UGCG: variants seen among roughly 807,000 people sequenced by gnomAD.
UGCG encodes the protein ceramide glucosyltransferase.
In UGCG, 10 loss-of-function variants were observed where a neutral mutation model predicts 49.5. The observed-to-expected ratio is 0.20, with a 90% CI of 0.12 to 0.34. UGCG has a LOEUF of 0.34. UGCG is among the 10% of genes least tolerant of loss of function. The probability of loss-of-function intolerance (pLI) is 1.00; values close to 1 mark genes in which losing one functional copy is unlikely to be tolerated. For synonymous variants in UGCG, 182 were observed against 158.2 expected (o/e 1.15, Z -1.13); for missense variants, 312 against 483.7 (o/e 0.65, Z 3.33).
intron 3 of UGCG, among the ~76,000 whole-genome samples, chr9:111,923,777 C>T (rs529233264): frequency 2.3e-4 from 35 of 152,200 alleles, no homozygotes; most frequent in African/African-American, 7.5e-4. Context: ...GGATCACAGG[C>T]GTGCATCACC....
At chr9:111,902,709 G>T (rs1837799877) in intron 1 of UGCG, among the ~76,000 whole-genome samples, 1 of 152,092 alleles carries the variant, frequency 6.6e-6, no homozygotes, top group Non-Finnish European at 1.5e-5. Context: ...ACATTCTGGG[G>T]TTGTTAAGCA....
intron 2 of UGCG, among the ~76,000 whole-genome samples, chr9:111,919,466 G>A (rs1367694491): frequency 1.3e-5 from 2 of 151,642 alleles, no homozygotes; most frequent in Non-Finnish European, 2.9e-5. Context: ...CTGGGTGACA[G>A]TGAAAGACCC....
chr9:111,904,970 T>A (rs1837853051), intron 1 of UGCG, among the ~76,000 whole-genome samples: 1 of 151,844 alleles, frequency 6.6e-6, no homozygotes, highest in African/African-American at 2.4e-5. Context: ...CACAGAAAAA[T>A]TTTAAAAAAT....
intron 1 of UGCG, among the ~76,000 whole-genome samples, chr9:111,912,591 A>AT (rs1483227662): frequency 2.0e-5 from 3 of 152,070 alleles, no homozygotes; most frequent in African/African-American, 4.8e-5. Context: ...AAAATAAAAA[A>AT]AAAAAAATTC....
intron 1 of UGCG, among the ~76,000 whole-genome samples, chr9:111,909,055 A>C (rs1837945115): frequency 6.6e-6 from 1 of 152,188 alleles, no homozygotes; most frequent in African/African-American, 2.4e-5. Flanking sequence ...AGTAGCTGGA[A>C]TTATAGGCGT....
intron 1 of UGCG, among the ~76,000 whole-genome samples, chr9:111,908,243 C>G (rs1343872275): frequency 1.3e-5 from 2 of 152,158 alleles, no homozygotes; most frequent in African/African-American, 4.8e-5. Flanking sequence ...GTAAAACTAT[C>G]CTGTAACAAG....
chr9:111,926,615 A>G lies in UGCG; in HGVS notation c.558+119A>G, dbSNP rs1838316150. 7.6e-6 allele frequency: 5 copies of G among 654,298 alleles called. No individual in the cohort carries two copies. In the Admixed American group the frequency reaches 1.1e-4, roughly 14 times the overall value. 40.5% of individuals were successfully genotyped at this position (654,298 alleles called of 1,614,324 possible). On this transcript the variant is annotated intron_variant, in intron 5 of 8. Coordinates refer to ENST00000374279, the MANE Select transcript of UGCG (RefSeq NM_003358.3). ...TTAACTGTATTAAGTCCATTTGGGAACCTGCTGTGTTCTAGAAGCCCTGAG... is the reference window on the plus strand; with the variant it reads ...TTAACTGTATTAAGTCCATTTGGGAGCCTGCTGTGTTCTAGAAGCCCTGAG...
Position 111,924,889 on chromosome 9 carries a change from TTTC to T in UGCG, c.445+14_445+16del, listed in dbSNP as rs1838290649. The T allele has an allele frequency of 1.4e-6, 2 of 1,411,996 alleles. No homozygotes were observed. The highest frequency in any genetic ancestry group is 2.7e-5 in the Admixed American group (1 of 36,894). 87.5% of individuals were successfully genotyped at this position (1,411,996 alleles called of 1,614,324 possible). A position where few individuals can be genotyped will look rare whatever the true frequency, so the allele number is the denominator to read the frequency against. On this transcript the variant is annotated intron_variant, in intron 4 of 8. Coordinates refer to ENST00000374279, the MANE Select transcript of UGCG (RefSeq NM_003358.3). ...ATAGTGGAATAAGAGGTGAGGTTTT[TTTC>T]TTATTTATTTTATAAAACTATTAAT...
At chr9:111,918,006 CTA>C (rs1247662342) in intron 2 of UGCG, among the ~76,000 whole-genome samples, 1 of 151,954 alleles carries the variant, frequency 6.6e-6, no homozygotes, top group Non-Finnish European at 1.5e-5. Context: ...CCTGTCATAA[CTA>C]TGATTTTTTT....
chr9:111,932,389 G>A (rs771567737), intron 8 of UGCG, 30 bp downstream of exon 8: 1 of 1,585,442 alleles, frequency 6.3e-7, no homozygotes, highest in Admixed American at 1.7e-5. Flanking sequence ...AAGGTTGGCA[G>A]TCCCTTGGTG....
At chr9:111,905,551 G>C (rs572268716) in intron 1 of UGCG, among the ~76,000 whole-genome samples, 1 of 152,128 alleles carries the variant, frequency 6.6e-6, no homozygotes, top group East Asian at 1.9e-4. Context: ...TGCTTCCCAG[G>C]TTCAAGCAGT....
At chr9:111,915,923 G>T in intron 2 of UGCG, 1 of 748,824 alleles carries the variant, frequency 1.3e-6, no homozygotes. Flanking sequence ...GCCAATTTTG[G>T]AGTATTGGAA....
rs146569998 is a variant in UGCG, at chr9:111,916,641, T to C, written c.240+1895T>C. Among the ~76,000 whole-genome samples the C allele has an allele frequency of 4.3e-3, 647 of 152,016 alleles. 8 individuals carry two copies. The highest frequency in any genetic ancestry group is 0.037 in the East Asian group (191 of 5,122). On this transcript the variant is annotated intron_variant, in intron 2 of 8. Coordinates refer to ENST00000374279, the MANE Select transcript of UGCG (RefSeq NM_003358.3). ...TGTGCTACCACACCTGGCTGATTTTTGTATTTTTTGTAGAGGGTGTTGCCA... is the reference window on the plus strand; with the variant it reads ...TGTGCTACCACACCTGGCTGATTTTCGTATTTTTTGTAGAGGGTGTTGCCA...
At chr9:111,907,575 G>C (rs1837911209) in intron 1 of UGCG, among the ~76,000 whole-genome samples, 1 of 151,366 alleles carries the variant, frequency 6.6e-6, no homozygotes, top group African/African-American at 2.4e-5. Flanking sequence ...TTGGGTGCTG[G>C]ATGTTTTTGT....
chr9:111,919,451 C>T (rs1395412260), intron 2 of UGCG, among the ~76,000 whole-genome samples: 1 of 151,560 alleles, frequency 6.6e-6, no homozygotes, highest in Non-Finnish European at 1.5e-5. Context: ...CCACTGCACT[C>T]CAGCCTGGGT....
At chr9:111,907,450 T>A (rs142633505) in intron 1 of UGCG, among the ~76,000 whole-genome samples, 300 of 152,318 alleles carry the variant, frequency 2.0e-3, no homozygotes, top group African/African-American at 6.8e-3. Flanking sequence ...TCTGCTAATT[T>A]GAATCCCGGT....
In UGCG at chr9:111,897,049, A is replaced by C; in HGVS notation, c.-167A>C. ...CGAGAGCGCGCGGGCGGGGGCGCGC[A>C]GGCCCTGCCCGCCCCTTCCGTCCCC... On this transcript the variant is annotated 5_prime_UTR_variant, in exon 1 of 9. Coordinates refer to ENST00000374279, the MANE Select transcript of UGCG (RefSeq NM_003358.3). The C allele has an allele frequency of 2.2e-5, 8 of 363,502 alleles. No homozygotes were observed. The highest frequency in any genetic ancestry group is 2.9e-5 in the Non-Finnish European group (6 of 206,666). 22.5% of individuals were successfully genotyped at this position (363,502 alleles called of 1,614,324 possible). A position where few individuals can be genotyped will look rare whatever the true frequency, so the allele number is the denominator to read the frequency against.
intron 1 of UGCG, among the ~76,000 whole-genome samples, chr9:111,900,568 C>T (rs1266026656): frequency 1.3e-5 from 2 of 152,170 alleles, no homozygotes; most frequent in African/African-American, 4.8e-5. Flanking sequence ...TCTTGGCTGA[C>T]TGCAACCACC....
chr9:111,917,991 G>A (rs1209560225), intron 2 of UGCG, among the ~76,000 whole-genome samples: 1 of 152,096 alleles, frequency 6.6e-6, no homozygotes, highest in Non-Finnish European at 1.5e-5. Context: ...GTTCTTAACA[G>A]TGAACCTGTC....
Sources: gnomAD v4.1 joint callset for allele counts (sites outside exome capture counted in the v4.1 genomes callset) on GRCh38, gnomAD v4.1.1 for gene constraint, MANE v1.5 for transcripts, NCBI Gene and HGNC (gene_info 2026-07-23, HGNC 2026-07-21) for gene names.